Variants in ADGRL2 observed in about 807,000 individuals in gnomAD.
ADGRL2 encodes adhesion G protein-coupled receptor L2.
ADGRL2 carries 44 observed loss-of-function variants against 157.4 expected under a neutral mutation model. The ratio of observed to expected loss-of-function variants is 0.28; its 90% CI spans 0.22 to 0.36. ADGRL2 has a LOEUF of 0.36. Among genes scored for constraint, ADGRL2 ranks in the 10% least tolerant of loss-of-function variants. The pLI is 1.00. For synonymous variants in ADGRL2, 585 were observed against 624.7 expected, an observed-to-expected ratio of 0.94 and a Z score of 0.95; for missense variants, 1,510 against 1,768.9, an observed-to-expected ratio of 0.85 and a Z score of 2.63.
rs531845788 is a variant in ADGRL2 at position 81,545,031 on chromosome 1, C to T, written c.-247-35845C>T. 8.5e-5 allele frequency among the ~76,000 whole-genome samples: 13 copies of T among 152,248 alleles called. No individual in the cohort carries two copies. The East Asian group carries it at 1.4e-3, about 16-fold the overall frequency. On this transcript the variant is annotated intron_variant, in intron 2 of 24. Transcript: ENST00000370721. ...CCCAGGTCACGAGACATCCCTGGTT[C>T]CATCACCTTTGAGATCTTTCTGGTC...
intron 1 of ADGRL2, among the ~76,000 whole-genome samples, chr1:81,745,332 T>C (rs779364593): frequency 3.9e-5 from 6 of 152,228 alleles, no homozygotes; most frequent in Non-Finnish European, 7.3e-5. Flanking sequence ...TCACATATGC[T>C]TTCTTGAGCA....
chr1:81,517,084 C>CA (rs932763376), intron 2 of ADGRL2, among the ~76,000 whole-genome samples: 4 of 151,642 alleles, frequency 2.6e-5, no homozygotes, highest in Non-Finnish European at 5.9e-5. Context: ...CAAGTAACAA[C>CA]AAAAAAAGAG....
rs1167418431 is a variant in ADGRL2, at chr1:81,942,136, A to T, written c.409+91A>T. On this transcript the variant is annotated intron_variant, in intron 5 of 23. Transcript: ENST00000686636. ...TCCCCTCTCCCCACAACACTCCTGTATTAAAATAATCAGCAGGATCTCATA... is the reference window on the plus strand; with the variant it reads ...TCCCCTCTCCCCACAACACTCCTGTTTTAAAATAATCAGCAGGATCTCATA... 6 of 550,910 alleles carry T rather than the reference A, an allele frequency of 1.1e-5. No individual in the cohort carries two copies. In the East Asian group the frequency reaches 1.5e-4, roughly 14 times the overall value. 34.1% of individuals were successfully genotyped at this position (550,910 alleles called of 1,614,324 possible).
chr1:81,777,054 C>A (rs2149366147), intron 2 of ADGRL2, among the ~76,000 whole-genome samples: 1 of 152,278 alleles, frequency 6.6e-6, no homozygotes, highest in African/African-American at 2.4e-5. Context: ...ATTCCCAATT[C>A]TTTCAGCTTT....
chr1:81,338,728 C>G (rs1302868427), intron 1 of ADGRL2, among the ~76,000 whole-genome samples: 1 of 152,162 alleles, frequency 6.6e-6, no homozygotes, highest in Non-Finnish European at 1.5e-5. Context: ...TATTCCTCTT[C>G]TGCAAATGAG....
intron 8 of ADGRL2, among the ~76,000 whole-genome samples, chr1:81,951,699 A>C (rs1056140942): frequency 4.6e-5 from 7 of 152,100 alleles, no homozygotes; most frequent in African/African-American, 1.7e-4. Flanking sequence ...AAATGAGAGA[A>C]CTGGCTGAAA....
At chr1:81,396,275 C>T (rs115688395) in intron 1 of ADGRL2, among the ~76,000 whole-genome samples, 4,151 of 152,170 alleles carry the variant, frequency 0.027, 87 homozygotes, top group Middle Eastern at 0.088. Context: ...TATGAGATTG[C>T]TTTCTTGATT....
At chr1:81,906,996 T>C in intron 2 of ADGRL2, 21 bp from the exon 3 acceptor site, 1 of 1,584,886 alleles carries the variant, frequency 6.3e-7, no homozygotes, top group Non-Finnish European at 8.7e-7. Flanking sequence ...CAGTTTAATT[T>C]TCTTTCTTTT....
chr1:81,664,969 C>G (rs529681512), intron 3 of ADGRL2, among the ~76,000 whole-genome samples: 1 of 152,006 alleles, frequency 6.6e-6, no homozygotes, highest in Non-Finnish European at 1.5e-5. Flanking sequence ...ATACGATAAA[C>G]AATGAATCTG....
intron 16 of ADGRL2, 44 bp downstream of exon 16, chr1:81,970,578 T>A (rs775515716): frequency 2.0e-6 from 3 of 1,479,178 alleles, no homozygotes; most frequent in Non-Finnish European, 2.8e-6. Context: ...AGTGAATAAT[T>A]TTTTAAAGCC....
At chr1:81,505,035 C>T in intron 2 of ADGRL2, 1 of 390,302 alleles carries the variant, frequency 2.6e-6, no homozygotes, top group Middle Eastern at 7.4e-4. Flanking sequence ...GGAGACACCG[C>T]ATGTGGCGTG....
intron 1 of ADGRL2, among the ~76,000 whole-genome samples, chr1:81,430,849 T>C (rs2077306922): frequency 6.6e-6 from 1 of 152,220 alleles, no homozygotes; most frequent in South Asian, 2.1e-4. Flanking sequence ...GAAAACTCCA[T>C]CTTAATGCAC....
chr1:81,463,842 G>T (rs2077993267), intron 2 of ADGRL2, among the ~76,000 whole-genome samples: 1 of 152,072 alleles, frequency 6.6e-6, no homozygotes, highest in South Asian at 2.1e-4. Context: ...ATTGTTTATT[G>T]CCAGTAAGAA....
intron 2 of ADGRL2, among the ~76,000 whole-genome samples, chr1:81,577,463 G>T (rs1005763253): frequency 6.6e-6 from 1 of 152,000 alleles, no homozygotes; most frequent in African/African-American, 2.4e-5. Flanking sequence ...CTAATGTCTC[G>T]CTAGTCTCCT....
intron 3 of ADGRL2, among the ~76,000 whole-genome samples, chr1:81,916,640 C>G (rs1170432420): frequency 6.6e-6 from 1 of 151,980 alleles, no homozygotes; most frequent in Non-Finnish European, 1.5e-5. Flanking sequence ...TTTCCTATGG[C>G]ATTTTTATTA....
chr1:81,955,744 G>A (rs1385282222), intron 10 of ADGRL2, 133 bp from the exon 11 acceptor site: 1 of 575,498 alleles, frequency 1.7e-6, no homozygotes, highest in African/African-American at 1.9e-5. Flanking sequence ...ATGTTGTCTA[G>A]GTGTTCTTCC....
chr1:81,877,334 T>C (rs528658175), intron 2 of ADGRL2, among the ~76,000 whole-genome samples: 1 of 152,248 alleles, frequency 6.6e-6, no homozygotes, highest in African/African-American at 2.4e-5. Flanking sequence ...TTGGGCCACT[T>C]ACCCTTTCTG....
At chr1:81,403,300 TG>T (rs2076793534) in intron 1 of ADGRL2, among the ~76,000 whole-genome samples, 1 of 152,104 alleles carries the variant, frequency 6.6e-6, no homozygotes, top group Non-Finnish European at 1.5e-5. Flanking sequence ...AGTCTCCCTC[TG>T]TTGCCCAGAC....
Position 81,471,717 on chromosome 1 carries a change from A to G in ADGRL2, c.-248+26628A>G, listed in dbSNP as rs375127661. Among the ~76,000 whole-genome samples, 3 of 152,200 alleles carry G rather than the reference A, an allele frequency of 2.0e-5. No homozygotes were observed. In the East Asian group the frequency reaches 5.8e-4, roughly 29 times the overall value. The stretch of plus-strand genomic sequence containing the variant: ...AGGCCGAATATAATTGCCCTGATTG[A>G]CTTTCTGCAGGTACTTAACTTGTGG... On this transcript the variant is annotated intron_variant, in intron 2 of 24. Transcript: ENST00000370721.
Sources: allele counts gnomAD v4.1 joint callset (sites outside exome capture counted in the v4.1 genomes callset), GRCh38; gene constraint gnomAD v4.1.1; transcripts MANE v1.5; gene names NCBI Gene and HGNC (gene_info 2026-07-23, HGNC 2026-07-21).